Variants in APP observed in about 807,000 individuals in gnomAD.
APP encodes amyloid-beta precursor protein.
A neutral mutation model predicts 101.4 loss-of-function variants in APP; 31 were observed. The ratio of observed to expected loss-of-function variants is 0.31; its 90% CI spans 0.23 to 0.41. APP has a LOEUF of 0.41. APP is among the 10% of genes least tolerant of loss of function. The pLI is 1.00. For synonymous variants in APP, 366 were observed against 364.4 expected (o/e 1.00, Z -0.05); for missense variants, 839 against 1,003.7 (o/e 0.84, Z 2.22).
chr21:25,991,134 T>G (rs2042844002), intron 8 of APP, among the ~76,000 whole-genome samples: 1 of 151,994 alleles, frequency 6.6e-6, no homozygotes, highest in Non-Finnish European at 1.5e-5. Context: ...AGGCATAGAG[T>G]GGCATAATGG....
chr21:25,949,191 G>C (rs533236498), intron 13 of APP, among the ~76,000 whole-genome samples: 1 of 151,904 alleles, frequency 6.6e-6, no homozygotes, highest in Admixed American at 6.6e-5. Flanking sequence ...AATAAAACAC[G>C]GGCCTTTTAT....
chr21:25,884,202 T>C (rs1392447415), intron 17 of APP, among the ~76,000 whole-genome samples: 1 of 152,160 alleles, frequency 6.6e-6, no homozygotes, highest in Non-Finnish European at 1.5e-5. Context: ...CGTTTCCATT[T>C]ATGGAAGAGA....
chr21:25,986,323 G>T (rs116527232), intron 8 of APP, among the ~76,000 whole-genome samples: 2,111 of 152,250 alleles, frequency 0.014, 49 homozygotes, highest in African/African-American at 0.048. Flanking sequence ...GGCTTTAGGA[G>T]GGTTTATTTC....
chr21:25,990,219 T>C (rs114626842), intron 8 of APP, among the ~76,000 whole-genome samples: 1 of 152,340 alleles, frequency 6.6e-6, no homozygotes, highest in African/African-American at 2.4e-5. Flanking sequence ...GGACATAAGG[T>C]AATAAAAATA....
intron 6 of APP, among the ~76,000 whole-genome samples, chr21:26,020,009 A>G (rs1240804464): frequency 3.3e-5 from 5 of 152,268 alleles, no homozygotes; most frequent in Non-Finnish European, 7.3e-5. Flanking sequence ...AGGGAATGAT[A>G]AACTTAATCC....
chr21:25,971,555 G>A, intron 11 of APP, among the ~76,000 whole-genome samples: 1 of 152,194 alleles, frequency 6.6e-6, no homozygotes, highest in East Asian at 1.9e-4. Flanking sequence ...TAATTCACAG[G>A]ACAGGGTATT....
intron 8 of APP, among the ~76,000 whole-genome samples, chr21:25,991,624 C>T (rs1288986485): frequency 2.6e-5 from 4 of 152,108 alleles, no homozygotes; most frequent in Admixed American, 6.5e-5. Context: ...GTGATCTGCC[C>T]GCCTCGGCCT....
At chr21:26,040,166 T>C (rs1357189172) in intron 5 of APP, among the ~76,000 whole-genome samples, 1 of 152,216 alleles carries the variant, frequency 6.6e-6, no homozygotes, top group Non-Finnish European at 1.5e-5. Flanking sequence ...TTGTATACAT[T>C]GAACACATAA....
chr21:26,123,134 C>A (rs1381802307), intron 1 of APP, among the ~76,000 whole-genome samples: 1 of 152,156 alleles, frequency 6.6e-6, no homozygotes, highest in African/African-American at 2.4e-5. Context: ...ATTGCAGGAA[C>A]AGAACATGAA....
At chr21:25,892,965 A>AACC (rs869050591) in intron 16 of APP, among the ~76,000 whole-genome samples, 5 of 6,102 alleles carry the variant, frequency 8.2e-4, no homozygotes, top group African/African-American at 6.1e-3. Flanking sequence ...AAAAAAACAA[A>AACC]AAGGTTTCTG....
chr21:26,064,067 C>T (rs939303522), intron 3 of APP, among the ~76,000 whole-genome samples: 1 of 152,200 alleles, frequency 6.6e-6, no homozygotes, highest in Non-Finnish European at 1.5e-5. Flanking sequence ...TACAAATTAT[C>T]TGACCAATAC....
chr21:26,053,374 G>C (rs201248312), intron 3 of APP, 26 bp from the exon 4 acceptor site: 2 of 1,452,712 alleles, frequency 1.4e-6, no homozygotes, highest in Non-Finnish European at 1.9e-6. Flanking sequence ...ACCACTTCCC[G>C]TCATTCCATC....
intron 17 of APP, among the ~76,000 whole-genome samples, chr21:25,885,273 C>CTCACCAATCTCT (rs1229196927): frequency 6.6e-6 from 1 of 152,230 alleles, no homozygotes; most frequent in Admixed American, 6.5e-5. Context: ...CTCCAGCAGG[C>CTCACCAATCTCT]TCACCAATCT....
At chr21:26,062,687 A>AATAAATAAATAAATAAATAAATAT (rs1204174207) in intron 3 of APP, among the ~76,000 whole-genome samples, 1 of 151,416 alleles carries the variant, frequency 6.6e-6, no homozygotes, top group Non-Finnish European at 1.5e-5. Flanking sequence ...TAAATAAATA[A>AATAAATAAATAAATAAATAAATAT]ATAAATATTT....
At chr21:25,999,098 C>A (rs1179614314) in intron 7 of APP, among the ~76,000 whole-genome samples, 1 of 152,148 alleles carries the variant, frequency 6.6e-6, no homozygotes, top group African/African-American at 2.4e-5. Context: ...CGAGACCAGC[C>A]TGGTCAACAT....
At chr21:26,158,899 T>C (rs1295643611) in intron 1 of APP, among the ~76,000 whole-genome samples, 2 of 152,110 alleles carry the variant, frequency 1.3e-5, no homozygotes, top group South Asian at 2.1e-4. Context: ...TATTTCTCCG[T>C]CTCTTTCTTC....
At chr21:26,103,736 T>A (rs1250357813) in intron 2 of APP, among the ~76,000 whole-genome samples, 1 of 152,210 alleles carries the variant, frequency 6.6e-6, no homozygotes, top group Non-Finnish European at 1.5e-5. Context: ...ACCGCTCCAA[T>A]CTCTGTGCCA....
At position 26,046,499 on chromosome 21, in the gene APP, C is replaced by T. The variant is rs146303357; in HGVS notation, c.662+4501G>A. On this transcript the variant is annotated intron_variant, in intron 5 of 17. Coordinates refer to ENST00000346798, the MANE Select transcript of APP (RefSeq NM_000484.4). ...AATAAGACACGGTCAAAAGGAATCA[C>T]TCCTCCAGATCTTAAGCAGCTCTTT... is the stretch of plus-strand genomic sequence containing the variant. Among the ~76,000 whole-genome samples the T allele has an allele frequency of 3.6e-3, 546 of 151,122 alleles. 4 individuals carry two copies. Among genetic ancestry groups the T allele is most frequent in the African/African-American group, 0.013 (519 of 41,158 alleles).
intron 2 of APP, among the ~76,000 whole-genome samples, chr21:26,094,868 T>TG (rs1391821520): frequency 6.6e-6 from 1 of 151,888 alleles, no homozygotes; most frequent in Non-Finnish European, 1.5e-5. Context: ...TTTTTTGAGA[T>TG]GGACTCTCAC....
Sources: gnomAD v4.1 joint callset for allele counts (sites outside exome capture counted in the v4.1 genomes callset) on GRCh38, gnomAD v4.1.1 for gene constraint, MANE v1.5 for transcripts, NCBI Gene and HGNC (gene_info 2026-07-23, HGNC 2026-07-21) for gene names.